The following CDKAL1 variants were observed in gnomAD, a reference collection of about 807,000 sequenced individuals.
CDKAL1 encodes the protein threonylcarbamoyladenosine tRNA methylthiotransferase.
Under a neutral mutation model 68.2 loss-of-function variants are expected in CDKAL1, and 32 were observed. The observed-to-expected ratio is 0.47, with a 90% CI of 0.35 to 0.63. CDKAL1 has a LOEUF of 0.63. CDKAL1 is among the 30% of genes least tolerant of loss of function. CDKAL1 has a pLI of 0.00. For synonymous variants in CDKAL1, 234 were observed against 244.3 expected (o/e 0.96, Z 0.39); for missense variants, 606 against 696.7 (o/e 0.87, Z 1.47).
intron 4 of CDKAL1, among the ~76,000 whole-genome samples, chr6:20,594,935 A>G (rs1765755323): frequency 6.6e-6 from 1 of 152,160 alleles, no homozygotes; most frequent in Non-Finnish European, 1.5e-5. Flanking sequence ...TATGAAGCTT[A>G]GTTTGGCTGG....
At chr6:21,215,807 AC>A (rs1333477896) in intron 15 of CDKAL1, among the ~76,000 whole-genome samples, 8 of 151,996 alleles carry the variant, frequency 5.3e-5, no homozygotes, top group Admixed American at 5.2e-4. Flanking sequence ...CCCCCACTTC[AC>A]CCCCCAAAGG....
chr6:20,884,617 C>T (rs755575289), intron 9 of CDKAL1, among the ~76,000 whole-genome samples: 2 of 152,120 alleles, frequency 1.3e-5, no homozygotes, highest in Admixed American at 6.5e-5. Context: ...AAAGAATCTA[C>T]AAGAAAACTA....
At chr6:20,943,965 C>T (rs1418037137) in intron 9 of CDKAL1, among the ~76,000 whole-genome samples, 1 of 152,194 alleles carries the variant, frequency 6.6e-6, no homozygotes, top group Admixed American at 6.5e-5. Flanking sequence ...TAGCCCACAT[C>T]AGTACTCAGC....
chr6:21,183,314 C>T (rs1182355910), intron 13 of CDKAL1, among the ~76,000 whole-genome samples: 4 of 152,238 alleles, frequency 2.6e-5, no homozygotes, highest in Non-Finnish European at 4.4e-5. Context: ...GGTCCCTCTG[C>T]TTTTCAGACA....
intron 4 of CDKAL1, among the ~76,000 whole-genome samples, chr6:20,580,460 A>G (rs576141098): frequency 6.6e-6 from 1 of 152,198 alleles, no homozygotes; most frequent in South Asian, 2.1e-4. Context: ...AGGATGCATC[A>G]GTGACTGTGC....
chr6:21,172,872 G>T (rs972480793), intron 13 of CDKAL1, among the ~76,000 whole-genome samples: 1 of 152,046 alleles, frequency 6.6e-6, no homozygotes, highest in Non-Finnish European at 1.5e-5. Context: ...AAAAATTTTT[G>T]AATCAATTTT....
At chr6:20,840,366 C>T (rs1308831888) in intron 8 of CDKAL1, among the ~76,000 whole-genome samples, 1 of 151,632 alleles carries the variant, frequency 6.6e-6, no homozygotes, top group East Asian at 1.9e-4. Flanking sequence ...AAGTGAATAA[C>T]AAAAAAAGGT....
At chr6:20,558,770 A>C (rs1581724201) in intron 4 of CDKAL1, 2 of 356,226 alleles carry the variant, frequency 5.6e-6, no homozygotes, top group Admixed American at 7.4e-5. Context: ...TACATTTTTA[A>C]GAGTGGAAAT....
In CDKAL1 at chr6:20,676,702, TA is replaced by T. The variant is rs200206312; in HGVS notation, c.371+27329del. ...ATAAATAAATAAATAAATAAATAAATAAAATAAAATAAAATAAAAAAGTCTT... is the reference window on the plus strand; with the variant it reads ...ATAAATAAATAAATAAATAAATAAATAAATAAAATAAAATAAAAAAGTCTT... On this transcript the variant is annotated intron_variant, in intron 5 of 15. Coordinates refer to ENST00000274695, the MANE Select transcript of CDKAL1 (RefSeq NM_017774.3). Among the ~76,000 whole-genome samples, 350 of 133,308 alleles carry T rather than the reference TA, an allele frequency of 2.6e-3. 2 individuals carry two copies. Among genetic ancestry groups the T allele is most frequent in the South Asian group, 0.018 (80 of 4,402 alleles). The allele number at this position is 133,308 out of a possible 152,430, so 87.5% of individuals were successfully genotyped here.
At position 21,221,804 on chromosome 6, in the gene CDKAL1, C is replaced by A. The variant is rs56793616; in HGVS notation, c.1549-9044C>A. Reference sequence around the variant, plus strand: ...TTACACATGAGAAATGTTTTGAAGCCATTAAAGTAAGTTCAGAGCTTAAGA... The same window carrying A: ...TTACACATGAGAAATGTTTTGAAGCAATTAAAGTAAGTTCAGAGCTTAAGA... On this transcript the variant is annotated intron_variant, in intron 15 of 15. Transcript: ENST00000274695. Among the ~76,000 whole-genome samples the A allele has an allele frequency of 3.2e-3, 481 of 152,282 alleles. 12 individuals are homozygous for A. In the East Asian group the frequency reaches 0.042, roughly 13 times the overall value.
At chr6:20,688,589 T>A (rs1388964703) in intron 5 of CDKAL1, among the ~76,000 whole-genome samples, 4 of 152,222 alleles carry the variant, frequency 2.6e-5, no homozygotes, top group Admixed American at 2.6e-4. Flanking sequence ...TGATTTCTCT[T>A]ATATGTTTTT....
intron 5 of CDKAL1, among the ~76,000 whole-genome samples, chr6:20,729,962 T>G (rs887823291): frequency 1.3e-5 from 2 of 152,184 alleles, no homozygotes; most frequent in African/African-American, 4.8e-5. Context: ...AATCCCCATC[T>G]TTATGACATT....
intron 4 of CDKAL1, among the ~76,000 whole-genome samples, chr6:20,577,460 T>C (rs2127685250): frequency 6.6e-6 from 1 of 152,338 alleles, no homozygotes; most frequent in Non-Finnish European, 1.5e-5. Context: ...GGCCTAAGTG[T>C]ATTATTGAAC....
intron 4 of CDKAL1, among the ~76,000 whole-genome samples, chr6:20,619,715 C>G (rs1195825049): frequency 6.6e-6 from 1 of 152,192 alleles, no homozygotes; most frequent in Non-Finnish European, 1.5e-5. Flanking sequence ...CTTGCTACAA[C>G]CTGCTGAATC....
chr6:20,811,983 C>A (rs1423375643), intron 8 of CDKAL1, among the ~76,000 whole-genome samples: 1 of 152,064 alleles, frequency 6.6e-6, no homozygotes, highest in Non-Finnish European at 1.5e-5. Flanking sequence ...AGGGTATAGG[C>A]CAGATTTGGC....
intron 9 of CDKAL1, among the ~76,000 whole-genome samples, chr6:20,880,698 C>T (rs1760768258): frequency 6.6e-6 from 1 of 151,986 alleles, no homozygotes; most frequent in African/African-American, 2.4e-5. Flanking sequence ...CTCCTGAATT[C>T]ATATATAATG....
At chr6:20,712,652 C>CT (rs139521546) in intron 5 of CDKAL1, among the ~76,000 whole-genome samples, 7,516 of 149,682 alleles carry the variant, frequency 0.05, 603 homozygotes, top group African/African-American at 0.17. Flanking sequence ...AGTTATATAA[C>CT]TTTTTTTTTT....
intron 11 of CDKAL1, among the ~76,000 whole-genome samples, chr6:21,021,909 G>C (rs1582044585): frequency 6.6e-6 from 1 of 152,142 alleles, no homozygotes; most frequent in Admixed American, 6.5e-5. Context: ...TGAAGTCATT[G>C]TCTTTGAAGT....
At chr6:20,819,230 T>C (rs540851734) in intron 8 of CDKAL1, among the ~76,000 whole-genome samples, 1 of 152,250 alleles carries the variant, frequency 6.6e-6, no homozygotes, top group African/African-American at 2.4e-5. Flanking sequence ...TATTTTTTTT[T>C]TGACCTACAT....
Sources: gnomAD v4.1 joint callset for allele counts (sites outside exome capture counted in the v4.1 genomes callset) on GRCh38, gnomAD v4.1.1 for gene constraint, MANE v1.5 for transcripts, NCBI Gene and HGNC (gene_info 2026-07-23, HGNC 2026-07-21) for gene names.